The following KCNA6 variants were observed in gnomAD, a reference collection of about 807,000 sequenced individuals.
The protein encoded by KCNA6 is human brain potassium channel-2.
A neutral mutation model predicts 29.5 loss-of-function variants in KCNA6; 17 were observed. That is an observed-to-expected ratio of 0.58 (90% CI 0.39 to 0.86). The LOEUF is 0.86. Ranked by LOEUF, KCNA6 falls within the 40% of genes least tolerant of loss-of-function variation. KCNA6 has a pLI of 0.00. For synonymous variants in KCNA6, 296 were observed against 304.7 expected, an observed-to-expected ratio of 0.97 and a Z score of 0.30; for missense variants, 450 against 703.4, an observed-to-expected ratio of 0.64 and a Z score of 4.07.
At chr12:4,849,489 C>CTTTTT in the KCNA6 span, among the ~76,000 whole-genome samples, 867 of 101,378 alleles carry the variant, frequency 8.6e-3, 50 homozygotes, top group African/African-American at 0.032. Context: ...GATTTTTGCT[C>CTTTTT]TTTTTTTTTT....
the KCNA6 span, among the ~76,000 whole-genome samples, chr12:4,823,578 C>G: frequency 1.8e-4 from 28 of 151,860 alleles, no homozygotes; most frequent in Admixed American, 3.3e-4. Context: ...ATGAGCCTGG[C>G]CAATATGGTG....
the KCNA6 span, among the ~76,000 whole-genome samples, chr12:4,835,234 A>T: frequency 6.7e-6 from 1 of 150,088 alleles, no homozygotes; most frequent in Non-Finnish European, 1.5e-5. Flanking sequence ...TCCCGGGTTC[A>T]CACCATTCTC....
chr12:4,825,302 A>G, the KCNA6 span, among the ~76,000 whole-genome samples: 1 of 152,244 alleles, frequency 6.6e-6, no homozygotes, highest in Non-Finnish European at 1.5e-5. Context: ...TGTTTCAGAA[A>G]TGCTGCCTCT....
At chr12:4,821,279 T>TG in the KCNA6 span, among the ~76,000 whole-genome samples, 3 of 152,186 alleles carry the variant, frequency 2.0e-5, no homozygotes, top group Non-Finnish European at 4.4e-5. Flanking sequence ...TCCGGTATGG[T>TG]GGGGAAAATA....
chr12:4,845,098 C>T, the KCNA6 span, among the ~76,000 whole-genome samples: 1 of 152,198 alleles, frequency 6.6e-6, no homozygotes, highest in Non-Finnish European at 1.5e-5. Flanking sequence ...CTGCCCTGTA[C>T]AGCTGGTGTC....
the KCNA6 span, among the ~76,000 whole-genome samples, chr12:4,824,074 T>G: frequency 1.3e-5 from 2 of 152,214 alleles, no homozygotes; most frequent in African/African-American, 4.8e-5. Flanking sequence ...AGAACCTCAC[T>G]GAGCCTTGGT....
chr12:4,840,750 T>C, the KCNA6 span, among the ~76,000 whole-genome samples: 15 of 152,358 alleles, frequency 9.8e-5, no homozygotes, highest in African/African-American at 3.6e-4. Context: ...TGATGTGGCA[T>C]AGCCCAAGCT....
At chr12:4,848,454 C>T in the KCNA6 span, among the ~76,000 whole-genome samples, 1 of 151,654 alleles carries the variant, frequency 6.6e-6, no homozygotes, top group Non-Finnish European at 1.5e-5. Context: ...TGTAATTTAC[C>T]TCCTCTCTCC....
At position 4,810,611 on chromosome 12, in the gene KCNA6, CT is replaced by C; in HGVS notation, c.574del (p.Cys192AlafsTer10). 2 of 1,614,196 alleles carry C rather than the reference CT, an allele frequency of 1.2e-6. No individual in the cohort carries two copies. The highest frequency in any genetic ancestry group is 1.7e-6 in the Non-Finnish European group (2 of 1,180,026). On this transcript the variant is annotated frameshift_variant, in exon 1 of 1. Coordinates refer to ENST00000280684, the Ensembl canonical transcript of KCNA6. LOFTEE classifies it high-confidence loss of function. This position sits in a 1 kb window ranked among gnomAD's most constrained non-coding sequence, Gnocchi z 7.5. The stretch of plus-strand genomic sequence containing the variant: ...TGGTCATTCTCATCTCCATAGTCAT[CT>C]TTTGCCTGGAGACCTTACCCCAGTT...
chr12:4,809,868 G>C, exon 1 of KCNA6: 1 of 695,950 alleles, frequency 1.4e-6, no homozygotes, highest in East Asian at 2.9e-5. Flanking sequence ...CAGCCTTGCA[G>C]GGACCAGGGC....
the KCNA6 span, among the ~76,000 whole-genome samples, chr12:4,843,095 A>G: frequency 3.9e-5 from 6 of 152,166 alleles, no homozygotes; most frequent in Admixed American, 1.3e-4. Context: ...AAAATAGTAG[A>G]TAATTCAATA....
rs753218279 is a variant in KCNA6, at chr12:4,810,843, A to T, written c.802A>T (p.Thr268Ser). Residue 268 changes from threonine (T) to serine (S), a missense_variant, in exon 1 of 1, where the codon ACG becomes TCG. Around this residue, in one of 7 missense-constraint regions of KCNA6, gnomAD observed 46 missense variants for 80.2 expected, o/e 0.57. Transcript: ENST00000280684. This position sits in a 1 kb window ranked among gnomAD's most constrained non-coding sequence, Gnocchi z 7.5. ...TACAGACCCCTTCTTTCTGGTGGAG[A>T]CGCTGTGCATTGTCTGGTTCACTTT... 1.9e-6 allele frequency: 3 copies of T among 1,603,230 alleles called. No individual in the cohort carries two copies. The highest frequency in any genetic ancestry group is 2.3e-5 in the South Asian group (2 of 88,500).
At chr12:4,833,901 CCTT>C in the KCNA6 span, among the ~76,000 whole-genome samples, 1 of 149,792 alleles carries the variant, frequency 6.7e-6, no homozygotes, top group South Asian at 2.2e-4. Flanking sequence ...TTCTCCTTCT[CCTT>C]CTTCGTCTCC....
chr12:4,846,473 C>T, the KCNA6 span, among the ~76,000 whole-genome samples: 9 of 151,522 alleles, frequency 5.9e-5, no homozygotes, highest in East Asian at 1.9e-4. Context: ...TATTCCTCCT[C>T]GAGCGACATA....
the KCNA6 span, among the ~76,000 whole-genome samples, chr12:4,846,924 G>A: frequency 2.0e-5 from 3 of 151,126 alleles, no homozygotes; most frequent in South Asian, 2.1e-4. Context: ...GACTACAGGC[G>A]CCCGCCACCA....
the KCNA6 span, among the ~76,000 whole-genome samples, chr12:4,833,684 C>G: frequency 1.3e-5 from 2 of 152,112 alleles, no homozygotes; most frequent in African/African-American, 4.8e-5. Flanking sequence ...AGCAGCAGTT[C>G]CAAGCATCAT....
chr12:4,847,499 G>T, the KCNA6 span, among the ~76,000 whole-genome samples: 36 of 151,858 alleles, frequency 2.4e-4, no homozygotes, highest in African/African-American at 8.5e-4. Context: ...CTAGTTTCTA[G>T]CTCTTCTGTT....
At chr12:4,825,337 A>G in the KCNA6 span, among the ~76,000 whole-genome samples, 4 of 152,220 alleles carry the variant, frequency 2.6e-5, no homozygotes, top group African/African-American at 9.6e-5. Flanking sequence ...GCATCTGAAC[A>G]TGAAATTAAA....
At chr12:4,820,897 A>AT in the KCNA6 span, among the ~76,000 whole-genome samples, 53 of 152,150 alleles carry the variant, frequency 3.5e-4, 2 homozygotes, top group South Asian at 0.01. Context: ...TTAAGGCTTT[A>AT]TTTTTTCTGT....
Sources: gnomAD v4.1 joint callset for allele counts (sites outside exome capture counted in the v4.1 genomes callset) on GRCh38, gnomAD v4.1.1 for gene constraint, gnomAD v4.1.1 regional missense constraint, Gnocchi (gnomAD v3.1) non-coding constraint, MANE v1.5 for transcripts, NCBI Gene and HGNC (gene_info 2026-07-23, HGNC 2026-07-21) for gene names.